The following SEMA5A variants were observed in gnomAD, a reference collection of about 807,000 sequenced individuals.
SEMA5A encodes the protein semaphorin-5A.
Under a neutral mutation model 135.5 loss-of-function variants are expected in SEMA5A, and 55 were observed. The ratio of observed to expected loss-of-function variants is 0.41; its 90% CI spans 0.33 to 0.51. The LOEUF (loss-of-function observed/expected upper bound fraction) is 0.51. Among genes scored for constraint, SEMA5A ranks in the 20% least tolerant of loss-of-function variants. The probability of loss-of-function intolerance (pLI) is 0.37; values close to 1 mark genes in which losing one functional copy is unlikely to be tolerated. For missense variants in SEMA5A, 1,290 were observed against 1,419.9 expected (o/e 0.91, Z 1.47); for synonymous variants, 580 against 546.5 (o/e 1.06, Z -0.85).
intron 3 of SEMA5A, chr5:9,363,274 T>A (rs1004072977): frequency 3.9e-5 from 6 of 152,212 alleles, no homozygotes; most frequent in African/African-American, 1.4e-4. Flanking sequence ...TTTTACTCCA[T>A]CTGAAGATGG....
At chr5:9,416,110 T>TA (rs1213716655) in intron 2 of SEMA5A, among the ~76,000 whole-genome samples, 11 of 152,126 alleles carry the variant, frequency 7.2e-5, no homozygotes, top group East Asian at 1.9e-4. Context: ...GAGATATTGG[T>TA]AAAAAATTAT....
intron 4 of SEMA5A, among the ~76,000 whole-genome samples, chr5:9,330,283 G>C (rs917666462): frequency 6.6e-6 from 1 of 151,910 alleles, no homozygotes; most frequent in South Asian, 2.1e-4. Flanking sequence ...CCAGCTACTC[G>C]GGAGGCTGAG....
At chr5:9,232,407 G>T (rs1029062979) in intron 6 of SEMA5A, among the ~76,000 whole-genome samples, 1 of 152,118 alleles carries the variant, frequency 6.6e-6, no homozygotes, top group Non-Finnish European at 1.5e-5. Flanking sequence ...TACAGGAATT[G>T]CATGAGCCTT....
At chr5:9,283,969 G>A (rs1561106062) in intron 5 of SEMA5A, among the ~76,000 whole-genome samples, 1 of 151,788 alleles carries the variant, frequency 6.6e-6, no homozygotes, top group East Asian at 1.9e-4. Context: ...GTGATACATG[G>A]TCTTACTAAA....
intron 5 of SEMA5A, among the ~76,000 whole-genome samples, chr5:9,248,294 C>G (rs1748580715): frequency 6.6e-6 from 1 of 152,138 alleles, no homozygotes; most frequent in Admixed American, 6.6e-5. Flanking sequence ...ACATGAGGCA[C>G]TCCTTCCCTT....
intron 1 of SEMA5A, among the ~76,000 whole-genome samples, chr5:9,460,445 TAC>T (rs1430878419): frequency 6.6e-6 from 1 of 152,184 alleles, no homozygotes; most frequent in East Asian, 1.9e-4. Context: ...CCTATGCAGA[TAC>T]TAAAGTATTT....
intron 11 of SEMA5A, among the ~76,000 whole-genome samples, chr5:9,156,059 G>A (rs1041061093): frequency 6.6e-6 from 1 of 152,108 alleles, no homozygotes; most frequent in Non-Finnish European, 1.5e-5. Context: ...ATGATCTTGA[G>A]GAAAGAGCAT....
intron 11 of SEMA5A, among the ~76,000 whole-genome samples, chr5:9,177,536 G>A (rs1405483943): frequency 6.6e-6 from 1 of 152,206 alleles, no homozygotes; most frequent in Non-Finnish European, 1.5e-5. Flanking sequence ...ATTTTCTGAA[G>A]TCAGTGCCTT....
At chr5:9,081,319 C>A (rs115277420) in intron 16 of SEMA5A, among the ~76,000 whole-genome samples, 209 of 152,248 alleles carry the variant, frequency 1.4e-3, no homozygotes, top group Admixed American at 5.2e-3. Flanking sequence ...CTTTGACTCA[C>A]TGAATGATCA....
At chr5:9,370,208 C>A (rs1354227669) in intron 3 of SEMA5A, among the ~76,000 whole-genome samples, 1 of 152,152 alleles carries the variant, frequency 6.6e-6, no homozygotes, top group Non-Finnish European at 1.5e-5. Context: ...GAATGACAAC[C>A]GTTAATCACC....
rs766089796 is a variant in SEMA5A at position 9,248,958 on chromosome 5, G to A, written c.271-11068C>T. On this transcript the variant is annotated intron_variant, in intron 5 of 22. Transcript: ENST00000382496. ...AAGTTCATGATAATTTGTCACAGCA[G>A]CCATACAAAACTAATACATACATAC... 5.3e-5 allele frequency among the ~76,000 whole-genome samples: 8 copies of A among 152,138 alleles called. No homozygotes were observed. The South Asian group carries it at 1.4e-3, about 28-fold the overall frequency.
At position 9,162,575 on chromosome 5, in the gene SEMA5A, TATATATATATAC is replaced by T. The variant is rs1743347221; in HGVS notation, c.1274-7892_1274-7881del. ...ATGTGTGTGTGTGTGTATATATATA[TATATATATATAC>T]ACACACACACACAAACCATCTTTTC... is the stretch of plus-strand genomic sequence containing the variant. On this transcript the variant is annotated intron_variant, in intron 11 of 22. Transcript: ENST00000382496. 9.9e-5 allele frequency among the ~76,000 whole-genome samples: 5 copies of T among 50,614 alleles called. No individual in the cohort carries two copies. In the East Asian group the frequency reaches 1.8e-3, roughly 19 times the overall value. The allele number at this position is 50,614 out of a possible 152,430, so 33.2% of individuals were successfully genotyped here.
intron 11 of SEMA5A, among the ~76,000 whole-genome samples, chr5:9,187,435 CT>C (rs1255058217): frequency 6.6e-6 from 1 of 152,140 alleles, no homozygotes; most frequent in Non-Finnish European, 1.5e-5. Context: ...AGTAGAACTG[CT>C]TTTGTACCTG....
intron 1 of SEMA5A, among the ~76,000 whole-genome samples, chr5:9,490,307 T>A (rs3777359): frequency 6.6e-5 from 10 of 152,164 alleles, no homozygotes; most frequent in Non-Finnish European, 1.5e-4. Flanking sequence ...TTATTTAAAC[T>A]GACACAAGCT....
At chr5:9,163,682 G>A (rs1743422292) in intron 11 of SEMA5A, among the ~76,000 whole-genome samples, 1 of 152,104 alleles carries the variant, frequency 6.6e-6, no homozygotes, top group Non-Finnish European at 1.5e-5. Flanking sequence ...TTAAAGACAG[G>A]CTCTCTAAAG....
chr5:9,396,246 G>GCACACACACACA (rs147262677), intron 2 of SEMA5A, among the ~76,000 whole-genome samples: 2,712 of 148,902 alleles, frequency 0.018, 41 homozygotes, highest in African/African-American at 0.038. Context: ...GCGCGTGCGT[G>GCACACACACACA]CACACACACA....
At chr5:9,207,576 T>A (rs1746101166) in intron 8 of SEMA5A, among the ~76,000 whole-genome samples, 1 of 152,132 alleles carries the variant, frequency 6.6e-6, no homozygotes, top group Non-Finnish European at 1.5e-5. Flanking sequence ...AGCCAGCAGT[T>A]TTCTGTTCCT....
chr5:9,407,990 C>T (rs1326722808), intron 2 of SEMA5A, among the ~76,000 whole-genome samples: 1 of 91,702 alleles, frequency 1.1e-5, no homozygotes, highest in Non-Finnish European at 2.3e-5. Flanking sequence ...ATCACTACTA[C>T]TGCCATCATC....
chr5:9,255,452 T>C (rs1367697597), intron 5 of SEMA5A, among the ~76,000 whole-genome samples: 1 of 152,214 alleles, frequency 6.6e-6, no homozygotes, highest in Non-Finnish European at 1.5e-5. Context: ...GACATACGGC[T>C]TGATCACCAT....
Sources: allele counts gnomAD v4.1 joint callset (sites outside exome capture counted in the v4.1 genomes callset), GRCh38; gene constraint gnomAD v4.1.1; transcripts MANE v1.5; gene names NCBI Gene and HGNC (gene_info 2026-07-23, HGNC 2026-07-21).